ERBB4: variants seen among roughly 807,000 people sequenced by gnomAD.
ERBB4 encodes the protein erb-b2 receptor tyrosine kinase 4, also known as receptor tyrosine-protein kinase erbB-4.
Under a neutral mutation model 158.0 loss-of-function variants are expected in ERBB4, and 42 were observed. That is an observed-to-expected ratio of 0.27 (90% CI 0.21 to 0.34). ERBB4 has a LOEUF of 0.34. Among genes scored for constraint, ERBB4 ranks in the 10% least tolerant of loss-of-function variants. ERBB4 has a pLI of 1.00. For missense variants in ERBB4, 1,333 were observed against 1,624.1 expected (o/e 0.82, Z 3.08); for synonymous variants, 583 against 558.7 (o/e 1.04, Z -0.61).
chr2:212,310,017 T>C (rs73068259), intron 1 of ERBB4, among the ~76,000 whole-genome samples: 4,827 of 150,598 alleles, frequency 0.032, 269 homozygotes, highest in African/African-American at 0.11. Context: ...TGTTAAGGTA[T>C]AATGTAACTG....
At chr2:212,041,901 T>G (rs962513285) in intron 2 of ERBB4, among the ~76,000 whole-genome samples, 1 of 152,132 alleles carries the variant, frequency 6.6e-6, no homozygotes, top group Non-Finnish European at 1.5e-5. Flanking sequence ...CTTTTTCATA[T>G]GCTTCAATCT....
At chr2:212,494,998 T>C (rs1179229455) in intron 1 of ERBB4, among the ~76,000 whole-genome samples, 1 of 152,108 alleles carries the variant, frequency 6.6e-6, no homozygotes, top group Non-Finnish European at 1.5e-5. Flanking sequence ...AAAATACTTA[T>C]AAAAATTAGT....
intron 20 of ERBB4, among the ~76,000 whole-genome samples, chr2:211,555,405 G>A (rs981769282): frequency 3.9e-5 from 6 of 151,956 alleles, no homozygotes; most frequent in East Asian, 1.9e-4. Flanking sequence ...GGCTGGTCTC[G>A]AACTCCTGAC....
chr2:212,082,469 GGCATTT>G (rs1348087789), intron 2 of ERBB4, among the ~76,000 whole-genome samples: 1 of 151,922 alleles, frequency 6.6e-6, no homozygotes, highest in African/African-American at 2.4e-5. Flanking sequence ...GTTTTATAAG[GGCATTT>G]GCATACTTTG....
At chr2:211,657,586 G>A in intron 16 of ERBB4, 168 bp downstream of exon 16, 1 of 650,970 alleles carries the variant, frequency 1.5e-6, no homozygotes, top group South Asian at 1.7e-5. Context: ...AAAGAAGTAA[G>A]AAAGTTGGCT....
At chr2:212,309,949 GT>G (rs2086966955) in intron 1 of ERBB4, among the ~76,000 whole-genome samples, 1 of 150,512 alleles carries the variant, frequency 6.6e-6, no homozygotes, top group African/African-American at 2.4e-5. Flanking sequence ...GTTGGGCCAT[GT>G]TTTCAGTGCT....
chr2:212,211,394 T>A (rs1034693902), intron 1 of ERBB4, among the ~76,000 whole-genome samples: 4 of 152,124 alleles, frequency 2.6e-5, no homozygotes, highest in African/African-American at 7.2e-5. Flanking sequence ...AGACTCAGCT[T>A]TCAAGGTTGC....
At chr2:211,515,912 A>ATATATATATATATTTT (rs35696520) in intron 20 of ERBB4, among the ~76,000 whole-genome samples, 35 of 78,976 alleles carry the variant, frequency 4.4e-4, no homozygotes, top group African/African-American at 1.7e-3. Context: ...ATATATATAT[A>ATATATATATATATTTT]TTTTTTTTTT....
intron 5 of ERBB4, among the ~76,000 whole-genome samples, chr2:211,735,807 G>C (rs2074579573): frequency 6.6e-6 from 1 of 151,954 alleles, no homozygotes; most frequent in Admixed American, 6.6e-5. Flanking sequence ...ATATACAGAA[G>C]AATATGTTTT....
intron 1 of ERBB4, among the ~76,000 whole-genome samples, chr2:212,256,711 A>G (rs890186566): frequency 6.6e-6 from 1 of 152,174 alleles, no homozygotes; most frequent in African/African-American, 2.4e-5. Context: ...TGGGCCAATG[A>G]GGAACAGAAC....
chr2:211,640,461 G>C (rs768789227), intron 16 of ERBB4, among the ~76,000 whole-genome samples: 4 of 152,068 alleles, frequency 2.6e-5, no homozygotes, highest in Non-Finnish European at 5.9e-5. Context: ...AATGAACAAA[G>C]CTCCTTTTCC....
chr2:211,623,937 A>G lies in ERBB4; in HGVS notation c.2187T>C (p.Phe729=). 1 of 1,614,136 alleles carries G rather than the reference A, an allele frequency of 6.2e-7. No homozygotes were observed. The highest frequency in any genetic ancestry group is 8.5e-7 in the Non-Finnish European group (1 of 1,179,996). Residue 729 remains phenylalanine, a synonymous_variant, in exon 18 of 28, where the codon TTT becomes TTC. Coordinates refer to ENST00000342788, the MANE Select transcript of ERBB4 (RefSeq NM_005235.3). ...KRVKVLGSGA[F]GTVYKGIWVP... ...TTTTACTTACTTTATAAACCGTTCCAAAAGCACCTGAGCCAAGGACTTTTA... is the reference window on the plus strand; with the variant it reads ...TTTTACTTACTTTATAAACCGTTCCGAAAGCACCTGAGCCAAGGACTTTTA...
intron 1 of ERBB4, among the ~76,000 whole-genome samples, chr2:212,524,890 C>T (rs1692364325): frequency 6.6e-6 from 1 of 151,880 alleles, no homozygotes; most frequent in Non-Finnish European, 1.5e-5. Context: ...ACCGTAATGT[C>T]AAAGGCACAT....
chr2:211,594,653 T>C (rs1196059330), intron 19 of ERBB4, among the ~76,000 whole-genome samples: 4 of 152,202 alleles, frequency 2.6e-5, no homozygotes, highest in Non-Finnish European at 4.4e-5. Context: ...ATATTCACAA[T>C]GATATCCTAT....
intron 20 of ERBB4, among the ~76,000 whole-genome samples, chr2:211,521,006 C>T (rs1574660446): frequency 6.6e-6 from 1 of 152,138 alleles, no homozygotes; most frequent in South Asian, 2.1e-4. Context: ...TCTGCTGGGG[C>T]CTTCCTATCC....
chr2:211,413,789 T>G (rs2063320992), intron 25 of ERBB4, among the ~76,000 whole-genome samples: 1 of 151,912 alleles, frequency 6.6e-6, no homozygotes, highest in Non-Finnish European at 1.5e-5. Context: ...GAATTAGGCA[T>G]GCGGACACAT....
chr2:211,975,812 A>G (rs545231403), intron 2 of ERBB4, among the ~76,000 whole-genome samples: 1 of 152,272 alleles, frequency 6.6e-6, no homozygotes, highest in African/African-American at 2.4e-5. Flanking sequence ...ACACATGCCA[A>G]TCTCCAAAAA....
At chr2:212,446,620 T>TATATATATATATAC in intron 1 of ERBB4, among the ~76,000 whole-genome samples, 1 of 81,262 alleles carries the variant, frequency 1.2e-5, no homozygotes, top group Admixed American at 1.3e-4. Context: ...TATATATATA[T>TATATATATATATAC]ATATATATAT....
Position 211,619,275 on chromosome 2 carries a change from C to T in ERBB4, c.2203G>A (p.Gly735Ser), listed in dbSNP as rs1369649105. Residue 735 changes from glycine (G) to serine (S), a missense_variant and splice_region_variant, in exon 19 of 28, where the codon GGT becomes AGT. Transcript: ENST00000342788. ...GSGAFGTVYK[G>S]IWVPEGETVK... ...GTTTCTCCTTCAGGTACCCAAATAC[C>T]CTTTGGGGAAAAAAATTTACATTAA... is the stretch of plus-strand genomic sequence containing the variant. 14 of 1,578,366 alleles carry T rather than the reference C, an allele frequency of 8.9e-6. No individual in the cohort carries two copies. Among genetic ancestry groups the T allele is most frequent in the Non-Finnish European group, 1.1e-5 (13 of 1,148,092 alleles).
Sources: allele counts gnomAD v4.1 joint callset (sites outside exome capture counted in the v4.1 genomes callset), GRCh38; gene constraint gnomAD v4.1.1; transcripts MANE v1.5; gene names NCBI Gene and HGNC (gene_info 2026-07-23, HGNC 2026-07-21).